PCDHGA5: variants seen among roughly 807,000 people sequenced by gnomAD.
The protein encoded by PCDHGA5 is protocadherin gamma subfamily A, 5.
A neutral mutation model predicts 56.7 loss-of-function variants in PCDHGA5; 36 were observed. The observed-to-expected ratio is 0.64, with a 90% CI of 0.49 to 0.84. The LOEUF is 0.84. Ranked by LOEUF, PCDHGA5 falls within the 40% of genes least tolerant of loss-of-function variation. PCDHGA5 has a pLI of 0.00. For synonymous variants in PCDHGA5, 563 were observed against 520.2 expected, an observed-to-expected ratio of 1.08 and a Z score of -1.12; for missense variants, 1,305 against 1,201.5, an observed-to-expected ratio of 1.09 and a Z score of -1.27.
At chr5:141,505,085 C>A (rs954289918) in intron 2 of PCDHGA5, among the ~76,000 whole-genome samples, 1 of 152,162 alleles carries the variant, frequency 6.6e-6, no homozygotes, top group Non-Finnish European at 1.5e-5. Context: ...TCGCTTGAAC[C>A]CAGGAGGTGG....
intron 1 of PCDHGA5, chr5:141,414,258 TG>T: frequency 6.2e-7 from 1 of 1,613,492 alleles, no homozygotes; most frequent in Non-Finnish European, 8.5e-7. Flanking sequence ...GTCCAGTGAC[TG>T]AAGATTCACC....
At chr5:141,424,628 A>C (rs962512805) in intron 1 of PCDHGA5, 3 of 152,348 alleles carry the variant, frequency 2.0e-5, no homozygotes, top group African/African-American at 7.2e-5. Flanking sequence ...GTTTGTGAAT[A>C]TATAAATAGA....
At chr5:141,453,042 A>G (rs2098754438) in intron 1 of PCDHGA5, among the ~76,000 whole-genome samples, 1 of 152,116 alleles carries the variant, frequency 6.6e-6, no homozygotes, top group Non-Finnish European at 1.5e-5. Context: ...GTTTGTTTCT[A>G]TTATGTGCAG....
intron 1 of PCDHGA5, chr5:141,399,959 G>T (rs1257286209): frequency 6.2e-7 from 1 of 1,612,230 alleles, no homozygotes; most frequent in East Asian, 2.2e-5. Context: ...AGCGAGCCCG[G>T]GCTCTTCAGC....
At position 141,405,272 on chromosome 5, in the gene PCDHGA5, A is replaced by G. The variant is rs551265067; in HGVS notation, c.2421+38521A>G. The G allele has an allele frequency of 9.3e-6, 15 of 1,614,170 alleles. No individual in the cohort carries two copies. In the South Asian group the frequency reaches 1.6e-4, roughly 18 times the overall value. On this transcript the variant is annotated intron_variant, in intron 1 of 3. Transcript: ENST00000518069. ...GAGTCACCTGATCTTCCCCCAGCCC[A>G]ACTATGCAGACACACTCATCAGCCA...
At chr5:141,366,856 T>C (rs900954854) in intron 1 of PCDHGA5, 105 bp downstream of exon 1, 26 of 1,424,752 alleles carry the variant, frequency 1.8e-5, no homozygotes, top group Non-Finnish European at 2.4e-5. Context: ...TAGTGGAACA[T>C]TATTTGCTGT....
At chr5:141,381,820 C>CTTTCTTTCTTTCTTTCT (rs1279410534) in intron 1 of PCDHGA5, among the ~76,000 whole-genome samples, 49 of 119,880 alleles carry the variant, frequency 4.1e-4, no homozygotes, top group African/African-American at 1.5e-3. Flanking sequence ...TTCTTTCTTT[C>CTTTCTTTCTTTCTTTCT]TTCTTCTTTT....
At chr5:141,381,850 G>T (rs1777668389) in intron 1 of PCDHGA5, among the ~76,000 whole-genome samples, 3 of 33,314 alleles carry the variant, frequency 9.0e-5, no homozygotes, top group Non-Finnish European at 5.3e-5. Flanking sequence ...TTTTTTTTTG[G>T]CAGAGTTTTG....
At chr5:141,427,355 C>T (rs765449381) in intron 1 of PCDHGA5, 2 of 457,430 alleles carry the variant, frequency 4.4e-6, no homozygotes, top group African/African-American at 2.0e-5. Flanking sequence ...TAACTGAGGA[C>T]GCAGAACCCT....
intron 1 of PCDHGA5, among the ~76,000 whole-genome samples, chr5:141,397,773 T>C (rs2093568087): frequency 1.3e-5 from 2 of 152,218 alleles, no homozygotes; most frequent in African/African-American, 2.4e-5. Context: ...ATTAAGTATA[T>C]GGACGTAAAA....
Position 141,511,126 on chromosome 5 carries a change from G to A in PCDHGA5, c.2749G>A (p.Gly917Ser). The A allele has an allele frequency of 1.9e-6, 3 of 1,614,212 alleles. No individual in the cohort carries two copies. The highest frequency in any genetic ancestry group is 2.2e-5 in the South Asian group (2 of 91,086). The change falls in exon 4 of 4, where the codon GGT becomes AGT. Residue 917 changes from glycine to serine, a missense_variant. Coordinates refer to ENST00000518069, the MANE Select transcript of PCDHGA5 (RefSeq NM_018918.3). ...AGKRDGKAPA[G>S]GNGNKKKSGK... ...CAAGCGGGATGGCAAGGCCCCAGCA[G>A]GTGGCAATGGCAACAAGAAGAAGTC...
intron 1 of PCDHGA5, chr5:141,419,981 AT>A (rs1205154474): frequency 1.2e-6 from 2 of 1,614,052 alleles, no homozygotes; most frequent in Admixed American, 3.3e-5. Flanking sequence ...CCTCGCGGTG[AT>A]TCTAGCTATT....
intron 1 of PCDHGA5, chr5:141,394,755 G>A (rs2093086176): frequency 1.2e-6 from 2 of 1,613,434 alleles, no homozygotes; most frequent in Non-Finnish European, 8.5e-7. Context: ...GGCCGTCCAG[G>A]ACCATGGCCA....
Position 141,372,073 on chromosome 5 carries a change from C to G in PCDHGA5, c.2421+5322C>G, listed in dbSNP as rs774208540. ...GTGGACGACCGCAACGACAATGCACCGCTGGTGCTGTACCCAGCTCTGGGG... is the reference window on the plus strand; with the variant it reads ...GTGGACGACCGCAACGACAATGCACGGCTGGTGCTGTACCCAGCTCTGGGG... On this transcript the variant is annotated intron_variant, in intron 1 of 3. Transcript: ENST00000518069. 4 of 1,613,648 alleles carry G rather than the reference C, an allele frequency of 2.5e-6. No individual in the cohort carries two copies. The South Asian group carries it at 4.4e-5, about 18-fold the overall frequency.
At chr5:141,421,252 G>A in intron 1 of PCDHGA5, 1 of 1,607,158 alleles carries the variant, frequency 6.2e-7, no homozygotes, top group Non-Finnish European at 8.5e-7. Context: ...ACAGCGCGGG[G>A]ACCGCAGTCG....
intron 1 of PCDHGA5, among the ~76,000 whole-genome samples, chr5:141,434,248 G>A (rs1347428778): frequency 2.0e-5 from 3 of 152,188 alleles, no homozygotes; most frequent in Non-Finnish European, 2.9e-5. Flanking sequence ...GATGACTTGG[G>A]CATTGTGGGG....
chr5:141,383,660 A>G (rs748941284), intron 1 of PCDHGA5: 1 of 1,614,030 alleles, frequency 6.2e-7, no homozygotes, highest in South Asian at 1.1e-5. Flanking sequence ...GTCCCCGAGA[A>G]TGTGCCAGTG....
At chr5:141,394,591 C>A in intron 1 of PCDHGA5, 2 of 1,613,762 alleles carry the variant, frequency 1.2e-6, no homozygotes, top group Non-Finnish European at 1.7e-6. Context: ...AAGGTGGTGG[C>A]GGTGGACAGA....
intron 2 of PCDHGA5, among the ~76,000 whole-genome samples, chr5:141,498,543 C>T (rs2099784198): frequency 6.6e-6 from 1 of 151,870 alleles, no homozygotes; most frequent in South Asian, 2.1e-4. Flanking sequence ...CTGGTCTGGT[C>T]AGACACACCA....
Sources: allele counts gnomAD v4.1 joint callset (sites outside exome capture counted in the v4.1 genomes callset), GRCh38; gene constraint gnomAD v4.1.1; transcripts MANE v1.5; gene names NCBI Gene and HGNC (gene_info 2026-07-23, HGNC 2026-07-21).